Variants in DPP4 observed in about 807,000 individuals in gnomAD.
The protein encoded by DPP4 is ADCP-2.
In DPP4, 93 loss-of-function variants were observed where a neutral mutation model predicts 122.4. That is an observed-to-expected ratio of 0.76 (90% confidence interval 0.64 to 0.90). The LOEUF (loss-of-function observed/expected upper bound fraction) is 0.90, where lower values mean the gene tolerates loss of function less well. DPP4 is among the 40% of genes least tolerant of loss of function. The probability of loss-of-function intolerance (pLI) is 0.00; values close to 1 mark genes in which losing one functional copy is unlikely to be tolerated. For synonymous variants in DPP4, 321 were observed against 302.9 expected (o/e 1.06, Z -0.62); for missense variants, 914 against 907.3 (o/e 1.01, Z -0.09).
intron 23 of DPP4, among the ~76,000 whole-genome samples, chr2:162,004,600 C>CAT (rs1159446719): frequency 1.3e-5 from 2 of 151,760 alleles, no homozygotes; most frequent in Non-Finnish European, 2.9e-5. Flanking sequence ...CACACACACA[C>CAT]ACGCACACAC....
intron 2 of DPP4, among the ~76,000 whole-genome samples, chr2:162,051,198 T>C (rs1353010593): frequency 1.3e-5 from 2 of 152,242 alleles, no homozygotes; most frequent in Non-Finnish European, 2.9e-5. Context: ...CTCAATCTAA[T>C]AATAAATTCT....
intron 23 of DPP4, among the ~76,000 whole-genome samples, chr2:162,001,089 T>C (rs1229274878): frequency 6.6e-6 from 1 of 152,208 alleles, no homozygotes; most frequent in East Asian, 1.9e-4. Flanking sequence ...GAAATCTTTC[T>C]CTAATGATTC....
chr2:162,073,359 G>A (rs1212070320), intron 2 of DPP4, 40 bp downstream of exon 2: 1 of 1,603,230 alleles, frequency 6.2e-7, no homozygotes. Context: ...CCTGACCTGA[G>A]CTCCAACTGT....
chr2:162,028,065 A>T (rs568468522), intron 10 of DPP4, among the ~76,000 whole-genome samples: 3 of 151,872 alleles, frequency 2.0e-5, no homozygotes, highest in African/African-American at 7.3e-5. Flanking sequence ...TTTAAAAAAA[A>T]AAAAAACAAA....
intron 21 of DPP4, 97 bp from the exon 22 acceptor site, chr2:162,008,758 G>A (rs1701347329): frequency 9.3e-7 from 1 of 1,080,888 alleles, no homozygotes; most frequent in South Asian, 1.3e-5. Context: ...TTTATATACT[G>A]TGCCTCTTTA....
At chr2:162,066,166 C>G (rs1684939569) in intron 2 of DPP4, among the ~76,000 whole-genome samples, 1 of 152,064 alleles carries the variant, frequency 6.6e-6, no homozygotes. Flanking sequence ...GCCAGCTGTC[C>G]AAGGAGCCAT....
chr2:162,069,301 T>C (rs1395966433), intron 2 of DPP4, among the ~76,000 whole-genome samples: 1 of 152,198 alleles, frequency 6.6e-6, no homozygotes, highest in African/African-American at 2.4e-5. Flanking sequence ...TATTGTAGCT[T>C]GCATGCCTTC....
chr2:162,034,991 C>G (rs1029158869), intron 9 of DPP4, among the ~76,000 whole-genome samples, 173 bp downstream of exon 9: 1 of 152,092 alleles, frequency 6.6e-6, no homozygotes, highest in Non-Finnish European at 1.5e-5. Flanking sequence ...CACACTCTTT[C>G]CTGGGATAAT....
chr2:162,007,804 T>C (rs1434467739), intron 22 of DPP4, among the ~76,000 whole-genome samples: 1 of 152,168 alleles, frequency 6.6e-6, no homozygotes, highest in East Asian at 1.9e-4. Context: ...TTATCTTGAC[T>C]GGGAGAGACT....
intron 23 of DPP4, among the ~76,000 whole-genome samples, chr2:162,002,058 G>A (rs996671229): frequency 1.3e-5 from 2 of 152,088 alleles, no homozygotes; most frequent in African/African-American, 4.8e-5. Flanking sequence ...TTAGTCTCAG[G>A]GTCCCCTAAT....
At position 162,074,006 on chromosome 2, in the gene DPP4, C is replaced by A. The variant is rs758344432; in HGVS notation, c.-25G>T. On this transcript the variant is annotated 5_prime_UTR_variant, in exon 1 of 26. Coordinates refer to ENST00000360534, the MANE Select transcript of DPP4 (RefSeq NM_001935.4). ...TCGTCGGCGTCTCCTCGGAAGTGAG[C>A]GTTCAGAGAAGGAGCGCAGGCAGAA... 3 of 1,610,466 alleles carry A rather than the reference C, an allele frequency of 1.9e-6. No individual in the cohort carries two copies. In the South Asian group the frequency reaches 3.3e-5, roughly 18 times the overall value.
chr2:162,045,739 AG>A lies in DPP4; in HGVS notation c.286-128del, dbSNP rs147758457. On this transcript the variant is annotated intron_variant, in intron 4 of 25. Transcript: ENST00000360534. ...GCTTTGGGAAGTCCTAATCTAGCAG[AG>A]GTGGCATATTCACCCACACAAATGA... The A allele has an allele frequency of 2.7e-3, 1,772 of 644,730 alleles. 26 individuals are homozygous for A. In the African/African-American group the frequency reaches 0.03, roughly 11 times the overall value. 39.9% of individuals were successfully genotyped at this position (644,730 alleles called of 1,614,324 possible).
At position 162,035,069 on chromosome 2, in the gene DPP4, G is replaced by C. The variant is rs1294402549; in HGVS notation, c.774+95C>G. 5.4e-6 allele frequency: 7 copies of C among 1,284,498 alleles called. No individual in the cohort carries two copies. The East Asian group carries it at 7.1e-5, about 13-fold the overall frequency. 79.6% of individuals were successfully genotyped at this position (1,284,498 alleles called of 1,614,324 possible). A position where few individuals can be genotyped will look rare whatever the true frequency, so the allele number is the denominator to read the frequency against. ...AGTAATCACAGCAAGCTGTTGAAGA[G>C]AGACTGACAATATTTTCATTAGCAA... On this transcript the variant is annotated intron_variant, in intron 9 of 25. Transcript: ENST00000360534.
intron 18 of DPP4, among the ~76,000 whole-genome samples, chr2:162,015,333 TATAG>T (rs1165458962): frequency 6.6e-6 from 1 of 152,218 alleles, no homozygotes; most frequent in Non-Finnish European, 1.5e-5. Flanking sequence ...GAGTAAAATA[TATAG>T]ATAGATTTAT....
chr2:162,050,520 G>A (rs1422749888), intron 2 of DPP4, among the ~76,000 whole-genome samples: 1 of 152,158 alleles, frequency 6.6e-6, no homozygotes, highest in East Asian at 1.9e-4. Flanking sequence ...ACACTTGCTA[G>A]AGCCCAGGAC....
chr2:161,997,938 T>G (rs1188344391), intron 23 of DPP4, among the ~76,000 whole-genome samples: 1 of 152,202 alleles, frequency 6.6e-6, no homozygotes, highest in Admixed American at 6.5e-5. Context: ...AATTCCAAGC[T>G]GCTTATGATG....
At chr2:162,072,516 T>C (rs1299425084) in intron 2 of DPP4, among the ~76,000 whole-genome samples, 1 of 152,232 alleles carries the variant, frequency 6.6e-6, no homozygotes, top group Non-Finnish European at 1.5e-5. Flanking sequence ...TAAGACTCCT[T>C]GAGTATGCAA....
At chr2:161,993,553 T>G (rs1017674332) in intron 25 of DPP4, among the ~76,000 whole-genome samples, 169 bp from the exon 26 acceptor site, 4 of 152,212 alleles carry the variant, frequency 2.6e-5, no homozygotes, top group Admixed American at 6.5e-5. Flanking sequence ...GGGTCTAATT[T>G]TCCCCCAGAG....
At chr2:162,012,164 GT>G (rs1490163112) in intron 19 of DPP4, among the ~76,000 whole-genome samples, 177 bp from the exon 20 acceptor site, 1 of 152,050 alleles carries the variant, frequency 6.6e-6, no homozygotes, top group Non-Finnish European at 1.5e-5. Flanking sequence ...AACTACCATG[GT>G]TGTATATTTC....
Sources: gnomAD v4.1 joint callset for allele counts (sites outside exome capture counted in the v4.1 genomes callset) on GRCh38, gnomAD v4.1.1 for gene constraint, MANE v1.5 for transcripts, NCBI Gene and HGNC (gene_info 2026-07-23, HGNC 2026-07-21) for gene names.